Variants in COG7 observed in about 807,000 individuals in gnomAD.
COG7 encodes component of oligomeric golgi complex 7.
Under a neutral mutation model 91.5 loss-of-function variants are expected in COG7, and 49 were observed. The observed-to-expected ratio is 0.54, with a 90% CI of 0.43 to 0.68. The LOEUF is 0.68. Among genes scored for constraint, COG7 ranks in the 30% least tolerant of loss-of-function variants. COG7 has a pLI of 0.00. For missense variants in COG7, 895 were observed against 961.3 expected, an observed-to-expected ratio of 0.93 and a Z score of 0.91; for synonymous variants, 365 against 388.7, an observed-to-expected ratio of 0.94 and a Z score of 0.72.
At chr16:23,447,628 G>A (rs1030407798) in intron 1 of COG7, among the ~76,000 whole-genome samples, 5 of 151,914 alleles carry the variant, frequency 3.3e-5, no homozygotes, top group East Asian at 1.9e-4. Flanking sequence ...CTGGCCAGGC[G>A]TGGTGGCTCA....
chr16:23,434,821 C>G, intron 4 of COG7, 103 bp from the exon 5 acceptor site: 1 of 767,126 alleles, frequency 1.3e-6, no homozygotes, highest in African/African-American at 1.7e-5. Context: ...CTAGTATTCA[C>G]AAGTTCCTGC....
chr16:23,403,926 T>C, intron 12 of COG7, 92 bp from the exon 13 acceptor site: 2 of 1,495,506 alleles, frequency 1.3e-6, no homozygotes, highest in Non-Finnish European at 1.8e-6. Context: ...ACAGGAGAAC[T>C]GGGGGTTCTA....
chr16:23,417,460 C>T (rs181177120), intron 8 of COG7, among the ~76,000 whole-genome samples: 8 of 152,304 alleles, frequency 5.3e-5, no homozygotes, highest in Non-Finnish European at 8.8e-5. Context: ...CCTTATCAGA[C>T]GCTCCAAAGA....
At chr16:23,403,925 C>A (rs1337560006) in intron 12 of COG7, 91 bp from the exon 13 acceptor site, 27 of 1,500,096 alleles carry the variant, frequency 1.8e-5, no homozygotes, top group African/African-American at 2.8e-5. Flanking sequence ...CACAGGAGAA[C>A]TGGGGGTTCT....
chr16:23,440,124 C>T (rs1964077443), intron 4 of COG7, among the ~76,000 whole-genome samples: 1 of 151,050 alleles, frequency 6.6e-6, no homozygotes, highest in African/African-American at 2.4e-5. Context: ...CACGGTGGCT[C>T]ACGCCTGTAA....
At chr16:23,426,813 T>C (rs1221760199) in intron 6 of COG7, among the ~76,000 whole-genome samples, 4 of 104,506 alleles carry the variant, frequency 3.8e-5, no homozygotes, top group African/African-American at 1.2e-4. Flanking sequence ...GCCAGAGCAA[T>C]TGGACAAAAA....
intron 1 of COG7, 186 bp downstream of exon 1, chr16:23,452,640 C>A (rs1316958747): frequency 7.2e-7 from 1 of 1,385,910 alleles, no homozygotes; most frequent in African/African-American, 1.5e-5. Context: ...AGCAAGTGTT[C>A]AAGACAGCCC....
intron 3 of COG7, among the ~76,000 whole-genome samples, chr16:23,444,600 C>T (rs1434413456): frequency 6.6e-6 from 1 of 150,886 alleles, no homozygotes; most frequent in Non-Finnish European, 1.5e-5. Context: ...AACTCCTGGG[C>T]TCAAGAGATC....
At chr16:23,398,786 CCTCTGGCCT>C (rs1963325852) in intron 13 of COG7, among the ~76,000 whole-genome samples, 1 of 152,192 alleles carries the variant, frequency 6.6e-6, no homozygotes. Context: ...AACAGCTGCC[CCTCTGGCCT>C]CTCTGTAGTC....
At chr16:23,432,920 T>C (rs1003773437) in intron 6 of COG7, among the ~76,000 whole-genome samples, 23 of 152,076 alleles carry the variant, frequency 1.5e-4, no homozygotes, top group Admixed American at 4.6e-4. Context: ...GGGAAGAAAA[T>C]GGCCTTCAGG....
At chr16:23,438,460 C>T (rs1417650009) in intron 4 of COG7, among the ~76,000 whole-genome samples, 2 of 151,872 alleles carry the variant, frequency 1.3e-5, no homozygotes, top group East Asian at 3.9e-4. Context: ...TGGGAGGCTG[C>T]CGTGGGAGGA....
Position 23,397,620 on chromosome 16 carries a change from T to C in COG7, c.1887+426A>G, listed in dbSNP as rs1029461277. Among the ~76,000 whole-genome samples the C allele has an allele frequency of 2.0e-4, 31 of 152,344 alleles. No individual in the cohort carries two copies. In the Middle Eastern group the frequency reaches 0.01, roughly 50 times the overall value. ...TTGTTTGTTGCTATGAAGTTAAACA[T>C]GAAAGCACTCCACACAGAGCCTGGC... On this transcript the variant is annotated intron_variant, in intron 14 of 16. Coordinates refer to ENST00000307149, the MANE Select transcript of COG7 (RefSeq NM_153603.4).
intron 16 of COG7, among the ~76,000 whole-genome samples, chr16:23,391,285 T>C (rs1400135182): frequency 6.6e-6 from 1 of 152,320 alleles, no homozygotes; most frequent in Non-Finnish European, 1.5e-5. Context: ...GGGCAATCCC[T>C]AGATTTCACT....
At chr16:23,392,566 G>A in intron 15 of COG7, 43 bp from the exon 16 acceptor site, 1 of 1,613,338 alleles carries the variant, frequency 6.2e-7, no homozygotes. Context: ...CAGGCCTGCA[G>A]TAGCTGCTGA....
intron 13 of COG7, among the ~76,000 whole-genome samples, chr16:23,400,740 C>T (rs547853655): frequency 7.9e-5 from 12 of 152,230 alleles, no homozygotes; most frequent in Middle Eastern, 3.4e-3. Flanking sequence ...GAGGCTGAGG[C>T]GGGCGGATCA....
Position 23,398,112 on chromosome 16 carries a change from G to T in COG7, c.1821C>A (p.Gly607=). The T allele has an allele frequency of 6.2e-7, 1 of 1,614,088 alleles. No homozygotes were observed. ...ISKMDSWNTA[G]IGETLTDELP... ...GTTCATCTGTGAGGGTTTCTCCGATGCCAGCCGTATTCCAGCTCTAAGGGT... is the reference window on the plus strand; with the variant it reads ...GTTCATCTGTGAGGGTTTCTCCGATTCCAGCCGTATTCCAGCTCTAAGGGT... Residue 607 remains glycine, a synonymous_variant, in exon 14 of 17, where the codon GGC becomes GGA. Coordinates refer to ENST00000307149, the MANE Select transcript of COG7 (RefSeq NM_153603.4).
At chr16:23,397,865 G>A (rs180804872) in intron 14 of COG7, among the ~76,000 whole-genome samples, 181 bp downstream of exon 14, 22 of 152,310 alleles carry the variant, frequency 1.4e-4, no homozygotes, top group East Asian at 1.2e-3. Flanking sequence ...GTCTGGAATC[G>A]CCATGTGGCT....
intron 16 of COG7, among the ~76,000 whole-genome samples, chr16:23,390,932 C>G (rs1963185280): frequency 6.6e-6 from 1 of 152,254 alleles, no homozygotes; most frequent in Admixed American, 6.5e-5. Context: ...AGCGGGCCCA[C>G]AGTCTACTAG....
At chr16:23,399,405 A>G (rs916017010) in intron 13 of COG7, among the ~76,000 whole-genome samples, 2 of 152,130 alleles carry the variant, frequency 1.3e-5, no homozygotes, top group African/African-American at 4.8e-5. Context: ...AACCATCCAC[A>G]TTTACCAAGT....
Sources: gnomAD v4.1 joint callset for allele counts (sites outside exome capture counted in the v4.1 genomes callset) on GRCh38, gnomAD v4.1.1 for gene constraint, MANE v1.5 for transcripts, NCBI Gene and HGNC (gene_info 2026-07-23, HGNC 2026-07-21) for gene names.